The following PCED1B variants were observed in gnomAD, a reference collection of about 807,000 sequenced individuals.
PCED1B encodes the protein PC-esterase domain-containing protein 1B.
For synonymous variants in PCED1B, 251 were observed against 246.1 expected, an observed-to-expected ratio of 1.02 and a Z score of -0.19; for missense variants, 573 against 573.9, an observed-to-expected ratio of 1.00 and a Z score of 0.02.
At chr12:47,202,594 T>TAAAAAAAAAAAAAAAAAAAAAAAAAA (rs60769675) in intron 2 of PCED1B, among the ~76,000 whole-genome samples, 1 of 66,676 alleles carries the variant, frequency 1.5e-5, no homozygotes, top group African/African-American at 6.0e-5. Flanking sequence ...TAGACATTAG[T>TAAAAAAAAAAAAAAAAAAAAAAAAAA]AAAAAAAAAA....
At chr12:47,083,933 G>C (rs1937859892) in intron 1 of PCED1B, among the ~76,000 whole-genome samples, 1 of 152,116 alleles carries the variant, frequency 6.6e-6, no homozygotes, top group Admixed American at 6.5e-5. Flanking sequence ...TAATTCACTT[G>C]AGATAAAATC....
chr12:47,080,383 T>G (rs1941973440), intron 1 of PCED1B, among the ~76,000 whole-genome samples: 4 of 152,194 alleles, frequency 2.6e-5, no homozygotes, highest in Admixed American at 2.6e-4. Context: ...CTCTTAGAGC[T>G]TTGCTTTGGG....
chr12:47,121,942 G>C (rs1262988148), intron 2 of PCED1B, among the ~76,000 whole-genome samples: 1 of 149,754 alleles, frequency 6.7e-6, no homozygotes. Context: ...TGAGGCAGGA[G>C]AATCGCTTAA....
At chr12:47,106,416 G>C (rs1458728223) in intron 2 of PCED1B, among the ~76,000 whole-genome samples, 1 of 152,114 alleles carries the variant, frequency 6.6e-6, no homozygotes, top group African/African-American at 2.4e-5. Context: ...AGGGGTGCGA[G>C]TTGCGTAATG....
chr12:47,204,181 T>C (rs1942850570), intron 2 of PCED1B, among the ~76,000 whole-genome samples: 1 of 152,146 alleles, frequency 6.6e-6, no homozygotes, highest in Admixed American at 6.6e-5. Flanking sequence ...ACTCCTGATC[T>C]TAAATGATCT....
intron 2 of PCED1B, among the ~76,000 whole-genome samples, chr12:47,129,042 G>T (rs1244637603): frequency 6.6e-6 from 1 of 152,162 alleles, no homozygotes; most frequent in African/African-American, 2.4e-5. Context: ...TTAAAACTCA[G>T]CTGCTCTCTT....
At chr12:47,093,701 G>T (rs1425069468) in intron 1 of PCED1B, among the ~76,000 whole-genome samples, 1 of 151,768 alleles carries the variant, frequency 6.6e-6, no homozygotes, top group Admixed American at 6.6e-5. Context: ...GGATTATTTA[G>T]AGTATATTGT....
intron 2 of PCED1B, among the ~76,000 whole-genome samples, chr12:47,195,573 T>A (rs969311082): frequency 6.6e-6 from 1 of 151,950 alleles, no homozygotes; most frequent in Non-Finnish European, 1.5e-5. Flanking sequence ...CCCACCATAG[T>A]AGAGTAGAGG....
In PCED1B at chr12:47,153,098, C is replaced by A. The variant is rs1238101326; in HGVS notation, c.-526+48903C>A. Among the ~76,000 whole-genome samples, 8 of 151,914 alleles carry A rather than the reference C, an allele frequency of 5.3e-5. 2 individuals carry two copies. Among genetic ancestry groups the A allele is most frequent in the African/African-American group, 1.7e-4 (7 of 41,470 alleles). The stretch of plus-strand genomic sequence containing the variant: ...GGCACAGTGGCTCACGCCTGTAATC[C>A]CAGCACTTTGGGAGGCTGAGGTGGG... On this transcript the variant is annotated intron_variant, in intron 2 of 3. Coordinates refer to ENST00000546455, the MANE Select transcript of PCED1B (RefSeq NM_138371.3).
chr12:47,079,785 C>T (rs1941932251), intron 1 of PCED1B, 60 bp downstream of exon 1: 1 of 150,100 alleles, frequency 6.7e-6, no homozygotes, highest in African/African-American at 2.4e-5. Context: ...GCTCCCAGAG[C>T]CGGGGCCGCG....
chr12:47,149,997 T>A (rs967015992), intron 2 of PCED1B, among the ~76,000 whole-genome samples: 1 of 152,208 alleles, frequency 6.6e-6, no homozygotes, highest in South Asian at 2.1e-4. Context: ...AAATATGAAT[T>A]AGATTAAGTC....
At chr12:47,188,629 C>T (rs550019174) in intron 2 of PCED1B, among the ~76,000 whole-genome samples, 2 of 152,150 alleles carry the variant, frequency 1.3e-5, no homozygotes, top group Non-Finnish European at 2.9e-5. Flanking sequence ...AAGTTAAAAA[C>T]AAGAGTAGCA....
intron 2 of PCED1B, among the ~76,000 whole-genome samples, chr12:47,159,953 T>C (rs1320188889): frequency 6.6e-6 from 1 of 152,186 alleles, no homozygotes; most frequent in African/African-American, 2.4e-5. Context: ...TTCTTCCACA[T>C]ATAGATATCA....
intron 2 of PCED1B, among the ~76,000 whole-genome samples, chr12:47,198,526 C>G (rs902736792): frequency 1.3e-5 from 2 of 152,034 alleles, no homozygotes; most frequent in Admixed American, 1.3e-4. Context: ...CTCACTACTC[C>G]TATTCAGCAT....
chr12:47,151,654 A>G (rs558910676), intron 2 of PCED1B, among the ~76,000 whole-genome samples: 1 of 152,362 alleles, frequency 6.6e-6, no homozygotes, highest in African/African-American at 2.4e-5. Context: ...AGGCCTGAGA[A>G]GCAGGAAAGC....
At chr12:47,122,852 CCTAT>C (rs1939735581) in intron 2 of PCED1B, among the ~76,000 whole-genome samples, 2 of 152,162 alleles carry the variant, frequency 1.3e-5, no homozygotes, top group Non-Finnish European at 2.9e-5. Flanking sequence ...TCTGCAATGT[CCTAT>C]CTGTTTTAGA....
At chr12:47,124,191 C>T (rs1047470261) in intron 2 of PCED1B, among the ~76,000 whole-genome samples, 4 of 152,000 alleles carry the variant, frequency 2.6e-5, no homozygotes, top group Non-Finnish European at 5.9e-5. Context: ...TTTTCACCCT[C>T]ATCTCTAGGA....
At chr12:47,154,073 T>C (rs1941103802) in intron 2 of PCED1B, among the ~76,000 whole-genome samples, 2 of 152,242 alleles carry the variant, frequency 1.3e-5, no homozygotes, top group African/African-American at 2.4e-5. Context: ...CCAGGGTCTC[T>C]ACACAACTTG....
intron 3 of PCED1B, among the ~76,000 whole-genome samples, chr12:47,225,986 A>T (rs937902399): frequency 6.6e-6 from 1 of 152,244 alleles, no homozygotes; most frequent in Non-Finnish European, 1.5e-5. Flanking sequence ...ATAGTCAATG[A>T]GTTGTAATTC....
Sources: allele counts gnomAD v4.1 joint callset (sites outside exome capture counted in the v4.1 genomes callset), GRCh38; gene constraint gnomAD v4.1.1; transcripts MANE v1.5; gene names NCBI Gene and HGNC (gene_info 2026-07-23, HGNC 2026-07-21).